PROM1: variants seen among roughly 807,000 people sequenced by gnomAD.
The protein encoded by PROM1 is prominin-1.
In PROM1, 105 loss-of-function variants were observed where a neutral mutation model predicts 116.9. The ratio of observed to expected loss-of-function variants is 0.90; its 90% CI spans 0.77 to 1.06. The LOEUF is 1.06. PROM1 is among the 50% of genes least tolerant of loss of function. The pLI, the probability that PROM1 is intolerant of heterozygous loss-of-function variation, is 0.00. For missense variants in PROM1, 1,122 were observed against 1,045.2 expected, an observed-to-expected ratio of 1.07 and a Z score of -1.01; for synonymous variants, 393 against 387.0, an observed-to-expected ratio of 1.02 and a Z score of -0.18.
rs371957763 is a variant in PROM1 at position 16,080,245 on chromosome 4, G to A, written c.-213+3733C>T. ...TGGTTTAAAAGCAAATATGGCCCGGGCGTGGTGGCTCAAGCCTGTAATCCC... is the reference window on the plus strand; with the variant it reads ...TGGTTTAAAAGCAAATATGGCCCGGACGTGGTGGCTCAAGCCTGTAATCCC... On this transcript the variant is annotated intron_variant, in intron 1 of 27. Transcript: ENST00000447510. 2.4e-4 allele frequency among the ~76,000 whole-genome samples: 36 copies of A among 151,618 alleles called. 2 individuals are homozygous for A. Among genetic ancestry groups the A allele is most frequent in the African/African-American group, 8.0e-4 (33 of 41,332 alleles).
chr4:16,073,408 C>A (rs1328079616), intron 2 of PROM1, among the ~76,000 whole-genome samples: 2 of 152,128 alleles, frequency 1.3e-5, no homozygotes, highest in Non-Finnish European at 2.9e-5. Context: ...TTGTGAAATG[C>A]ATTGGCCCCA....
At chr4:15,979,010 A>AGAAGGAAGGAAG (rs3839177) in intron 26 of PROM1, among the ~76,000 whole-genome samples, 1 of 148,442 alleles carries the variant, frequency 6.7e-6, no homozygotes, top group African/African-American at 2.5e-5. Context: ...AAGGAAGGAA[A>AGAAGGAAGGAAG]GAAGGAAGGA....
At chr4:16,031,361 G>A (rs980342941) in intron 5 of PROM1, among the ~76,000 whole-genome samples, 1 of 152,002 alleles carries the variant, frequency 6.6e-6, no homozygotes, top group Non-Finnish European at 1.5e-5. Flanking sequence ...AAACACACCA[G>A]GGATCCCTGG....
In PROM1 at chr4:16,006,585, C is replaced by T. The variant is rs763710252; in HGVS notation, c.1407G>A (p.Pro469=). The T allele has an allele frequency of 8.3e-5, 133 of 1,604,406 alleles. No homozygotes were observed. In the East Asian group the frequency reaches 2.8e-3, roughly 34 times the overall value. The change falls in exon 13 of 28, where the codon CCG becomes CCA. Residue 469 remains proline (P), a synonymous_variant. Coordinates refer to ENST00000447510, the MANE Select transcript of PROM1 (RefSeq NM_006017.3). The part of the protein sequence containing the change: ...GVCGYDRHAT[P]TTRGCVSNTG... ...TGTTGGAGACACAGCCTCGGGTGGT[C>T]GGGGTGGCATGCCTGTCATAGCCGC...
At chr4:16,011,498 A>T (rs527504007) in intron 11 of PROM1, among the ~76,000 whole-genome samples, 1 of 152,342 alleles carries the variant, frequency 6.6e-6, no homozygotes, top group South Asian at 2.1e-4. Context: ...CTCTAGGAAG[A>T]CACTGGCTTG....
At chr4:16,019,193 C>T (rs1352921489) in intron 8 of PROM1, among the ~76,000 whole-genome samples, 1 of 152,160 alleles carries the variant, frequency 6.6e-6, no homozygotes, top group East Asian at 1.9e-4. Context: ...ATTTTGCAAA[C>T]CCTACCCCCT....
At chr4:15,972,599 C>A (rs12508107) in intron 26 of PROM1, among the ~76,000 whole-genome samples, 131,552 of 152,190 alleles carry the variant, frequency 0.86, 57,387 homozygotes, top group East Asian at 1. Flanking sequence ...GGAGGGGACA[C>A]TGAAACTATA....
At chr4:16,079,731 TG>T (rs1356107037) in intron 1 of PROM1, among the ~76,000 whole-genome samples, 2 of 152,132 alleles carry the variant, frequency 1.3e-5, no homozygotes, top group Admixed American at 1.3e-4. Flanking sequence ...AAACAAAGTT[TG>T]AGAACAGTTC....
chr4:16,027,971 A>G (rs1392324671), intron 5 of PROM1, among the ~76,000 whole-genome samples: 1 of 152,182 alleles, frequency 6.6e-6, no homozygotes, highest in Non-Finnish European at 1.5e-5. Flanking sequence ...CTACATTTCT[A>G]CTAATCGATA....
intron 9 of PROM1, 109 bp downstream of exon 9, chr4:16,018,214 C>G (rs1728892739): frequency 9.9e-7 from 1 of 1,011,928 alleles, no homozygotes; most frequent in Non-Finnish European, 1.5e-6. Flanking sequence ...CAGGGGCTAA[C>G]TGTTCTCCAA....
At chr4:15,992,121 T>C (rs1721207497) in intron 17 of PROM1, 127 bp downstream of exon 17, 2 of 1,206,884 alleles carry the variant, frequency 1.7e-6, no homozygotes, top group African/African-American at 1.5e-5. Flanking sequence ...GCCACCGAAT[T>C]GCTCACTTTA....
intron 26 of PROM1, among the ~76,000 whole-genome samples, chr4:15,978,953 T>C (rs113244455): frequency 0.019 from 2,820 of 152,050 alleles, 48 homozygotes; most frequent in Non-Finnish European, 0.026. Context: ...AGGTTCTTTT[T>C]CTGGTTGGTT....
At position 16,064,148 on chromosome 4, in the gene PROM1, T is replaced by C. The variant is rs529320026; in HGVS notation, c.220+11539A>G. Among the ~76,000 whole-genome samples, 12 of 152,294 alleles carry C rather than the reference T, an allele frequency of 7.9e-5. No homozygotes were observed. The South Asian group carries it at 1.9e-3, about 24-fold the overall frequency. On this transcript the variant is annotated intron_variant, in intron 2 of 27. Transcript: ENST00000447510. ...TATGCCCGGCAGAAATGTGTACATA[T>C]AGTCACTAAAACACATAGGAAAAAT... is the stretch of plus-strand genomic sequence containing the variant.
chr4:15,985,337 G>T (rs79153709), intron 22 of PROM1, among the ~76,000 whole-genome samples: 1,586 of 152,214 alleles, frequency 0.01, 26 homozygotes, highest in African/African-American at 0.036. Context: ...GATACTGAGG[G>T]ACAATTGTAT....
chr4:15,984,212 A>G, intron 23 of PROM1, 51 bp downstream of exon 23: 1 of 1,400,380 alleles, frequency 7.1e-7, no homozygotes, highest in Non-Finnish European at 9.9e-7. Flanking sequence ...CCAGAAAAAC[A>G]ACCAAAGATG....
At chr4:16,038,220 G>A (rs1250071301) in intron 3 of PROM1, among the ~76,000 whole-genome samples, 1 of 152,144 alleles carries the variant, frequency 6.6e-6, no homozygotes, top group East Asian at 1.9e-4. Context: ...CACAGCAGGA[G>A]CTTCATAAAC....
chr4:16,026,947 T>G (rs998887622), intron 5 of PROM1, among the ~76,000 whole-genome samples: 1 of 152,160 alleles, frequency 6.6e-6, no homozygotes, highest in Non-Finnish European at 1.5e-5. Flanking sequence ...GGACTCCAGT[T>G]GGTACCTCCA....
chr4:15,986,074 C>T (rs1410049438), intron 20 of PROM1, 37 bp from the exon 21 acceptor site: 1 of 1,430,794 alleles, frequency 7.0e-7, no homozygotes, highest in Admixed American at 2.1e-5. Flanking sequence ...GGTATCAAGT[C>T]ATAGAAAGTT....
intron 1 of PROM1, chr4:16,076,414 T>G: frequency 6.5e-6 from 1 of 153,986 alleles, no homozygotes; most frequent in Non-Finnish European, 1.4e-5. Flanking sequence ...AACTAACATT[T>G]ATTGAGCACT....
Sources: gnomAD v4.1 joint callset for allele counts (sites outside exome capture counted in the v4.1 genomes callset) on GRCh38, gnomAD v4.1.1 for gene constraint, MANE v1.5 for transcripts, NCBI Gene and HGNC (gene_info 2026-07-23, HGNC 2026-07-21) for gene names.